Variants in CAMTA1 observed in about 807,000 individuals in gnomAD.
The protein encoded by CAMTA1 is calmodulin binding transcription activator 1.
A neutral mutation model predicts 170.9 loss-of-function variants in CAMTA1; 27 were observed. The ratio of observed to expected loss-of-function variants is 0.16; its 90% CI spans 0.12 to 0.22. CAMTA1 has a LOEUF of 0.22. CAMTA1 is among the 10% of genes least tolerant of loss of function. The pLI, the probability that CAMTA1 is intolerant of heterozygous loss-of-function variation, is 1.00. For missense variants in CAMTA1, 1,619 were observed against 2,217.2 expected, an observed-to-expected ratio of 0.73 and a Z score of 5.42; for synonymous variants, 833 against 891.5, an observed-to-expected ratio of 0.93 and a Z score of 1.17.
At chr1:6,862,073 C>T (rs1198807974) in intron 3 of CAMTA1, among the ~76,000 whole-genome samples, 1 of 151,978 alleles carries the variant, frequency 6.6e-6, no homozygotes, top group Non-Finnish European at 1.5e-5. Flanking sequence ...AGCTATTCTC[C>T]TGCCTCAGCC....
At chr1:7,399,261 C>G (rs922104873) in intron 5 of CAMTA1, among the ~76,000 whole-genome samples, 1 of 152,186 alleles carries the variant, frequency 6.6e-6, no homozygotes, top group Admixed American at 6.5e-5. Flanking sequence ...CACCTTTGCT[C>G]TCTCTCTTGC....
chr1:6,895,584 C>A (rs942956582), intron 3 of CAMTA1, among the ~76,000 whole-genome samples: 3 of 152,270 alleles, frequency 2.0e-5, no homozygotes, highest in African/African-American at 4.8e-5. Context: ...CATGAATAAT[C>A]TGGCCTCTGC....
chr1:7,729,231 A>G (rs916457167), intron 11 of CAMTA1, among the ~76,000 whole-genome samples: 3 of 149,910 alleles, frequency 2.0e-5, no homozygotes, highest in African/African-American at 7.4e-5. Context: ...ATTTTCCTGT[A>G]TCAGCCTCCT....
chr1:7,449,738 C>T (rs942752983), intron 5 of CAMTA1, among the ~76,000 whole-genome samples: 5 of 139,946 alleles, frequency 3.6e-5, no homozygotes, highest in African/African-American at 5.3e-5. Context: ...CCACTACACT[C>T]CAGTCTGGGC....
intron 7 of CAMTA1, among the ~76,000 whole-genome samples, chr1:7,643,364 A>C (rs927051872): frequency 2.0e-5 from 3 of 152,328 alleles, no homozygotes; most frequent in Admixed American, 6.5e-5. Context: ...TGTGAGCCAG[A>C]GATTAGCCAA....
At position 7,234,882 on chromosome 1, in the gene CAMTA1, G is replaced by C. The variant is rs545351505; in HGVS notation, c.303-14609G>C. Among the ~76,000 whole-genome samples, 9 of 151,484 alleles carry C rather than the reference G, an allele frequency of 5.9e-5. No individual in the cohort carries two copies. The highest frequency in any genetic ancestry group is 2.2e-4 in the African/African-American group (9 of 41,222). On this transcript the variant is annotated intron_variant, in intron 4 of 22. Coordinates refer to ENST00000303635, the MANE Select transcript of CAMTA1 (RefSeq NM_015215.4). This position sits in a 1 kb window ranked among gnomAD's most constrained non-coding sequence, Gnocchi z 5.0. ...GCTCACTGCAACCTCCACTTCCCAG[G>C]TTCAAGCGATTCTTGCACCTCAGCC...
chr1:6,876,387 G>GTTTTTTTTTTTTTTTTTT, intron 3 of CAMTA1, among the ~76,000 whole-genome samples: 1 of 150,704 alleles, frequency 6.6e-6, no homozygotes. Context: ...TTGAGACGGA[G>GTTTTTTTTTTTTTTTTTT]TTTTGCTCTT....
At chr1:7,269,698 T>C (rs540621133) in intron 5 of CAMTA1, among the ~76,000 whole-genome samples, 3 of 151,996 alleles carry the variant, frequency 2.0e-5, no homozygotes, top group African/African-American at 7.2e-5. Flanking sequence ...GGGGGAAAAA[T>C]AATAGAGTGT....
intron 1 of CAMTA1, among the ~76,000 whole-genome samples, chr1:6,816,490 A>G (rs111946714): frequency 2.8e-4 from 42 of 152,306 alleles, no homozygotes; most frequent in African/African-American, 9.6e-4. Context: ...TGTGAGAGGA[A>G]AACACAGGCT....
intron 6 of CAMTA1, among the ~76,000 whole-genome samples, chr1:7,544,249 T>TA (rs2094656787): frequency 6.6e-6 from 1 of 152,212 alleles, no homozygotes; most frequent in Admixed American, 6.5e-5. Flanking sequence ...AAACCCCTGA[T>TA]AAACCTATCA....
At chr1:7,339,042 C>T (rs2083598217) in intron 5 of CAMTA1, among the ~76,000 whole-genome samples, 1 of 152,134 alleles carries the variant, frequency 6.6e-6, no homozygotes, top group South Asian at 2.1e-4. Context: ...GGTGAGAACT[C>T]ACTCCTATGA....
At chr1:6,962,765 C>G (rs2149530445) in intron 3 of CAMTA1, among the ~76,000 whole-genome samples, 1 of 151,510 alleles carries the variant, frequency 6.6e-6, no homozygotes, top group South Asian at 2.1e-4. Context: ...CCTTGCCCAC[C>G]GAGCTCCTCT....
intron 4 of CAMTA1, among the ~76,000 whole-genome samples, chr1:7,175,042 T>G (rs1339753182): frequency 6.6e-6 from 1 of 152,158 alleles, no homozygotes; most frequent in African/African-American, 2.4e-5. Context: ...TGGTACATCC[T>G]GGTGTGTGTG....
At chr1:7,102,178 C>T (rs997096759) in intron 4 of CAMTA1, among the ~76,000 whole-genome samples, 13 of 152,062 alleles carry the variant, frequency 8.5e-5, no homozygotes, top group Admixed American at 7.9e-4. Flanking sequence ...ATTTTCTCCT[C>T]GAAGAAAAAA....
At position 7,747,773 on chromosome 1, in the gene CAMTA1, T is replaced by C. The variant is rs749009014; in HGVS notation, c.4681T>C (p.Tyr1561His). The C allele has an allele frequency of 6.2e-7, 1 of 1,610,764 alleles. No homozygotes were observed. Among genetic ancestry groups the C allele is most frequent in the Non-Finnish European group, 8.5e-7 (1 of 1,178,358 alleles). ...AAVIQRCYRK[Y>H]KQYALYKKMT... ...TGTTATTCAGCGTTGTTACAGAAAATATAAACAGGTAAACCTCAGTTTTGC... is the reference window on the plus strand; with the variant it reads ...TGTTATTCAGCGTTGTTACAGAAAACATAAACAGGTAAACCTCAGTTTTGC... The change falls in exon 19 of 23, where the codon TAT becomes CAT. Residue 1561 changes from tyrosine to histidine, a missense_variant. Coordinates refer to ENST00000303635, the MANE Select transcript of CAMTA1 (RefSeq NM_015215.4).
intron 3 of CAMTA1, among the ~76,000 whole-genome samples, chr1:7,023,028 G>A (rs1373174567): frequency 6.6e-6 from 1 of 152,098 alleles, no homozygotes; most frequent in Non-Finnish European, 1.5e-5. Flanking sequence ...CAAGTTTCTT[G>A]TACAAAACTG....
chr1:7,193,325 C>A (rs1654901167), intron 4 of CAMTA1, among the ~76,000 whole-genome samples: 1 of 151,084 alleles, frequency 6.6e-6, no homozygotes, highest in African/African-American at 2.4e-5. Flanking sequence ...GTACTCCAGC[C>A]TGGGCGACAG....
At chr1:7,387,113 T>C (rs2149103280) in intron 5 of CAMTA1, among the ~76,000 whole-genome samples, 2 of 152,180 alleles carry the variant, frequency 1.3e-5, no homozygotes, top group Middle Eastern at 6.8e-3. Context: ...AACTCACCCA[T>C]TCCCATGGCT....
intron 5 of CAMTA1, among the ~76,000 whole-genome samples, chr1:7,307,122 C>A (rs1675712833): frequency 6.6e-6 from 1 of 151,798 alleles, no homozygotes; most frequent in Non-Finnish European, 1.5e-5. Flanking sequence ...TAAAAAAATT[C>A]TTGTTAGTAT....
Sources: gnomAD v4.1 joint callset for allele counts (sites outside exome capture counted in the v4.1 genomes callset) on GRCh38, gnomAD v4.1.1 for gene constraint, Gnocchi (gnomAD v3.1) non-coding constraint, MANE v1.5 for transcripts, NCBI Gene and HGNC (gene_info 2026-07-23, HGNC 2026-07-21) for gene names.